The following RBFOX3 variants were observed in gnomAD, a reference collection of about 807,000 sequenced individuals.
RBFOX3 encodes the protein RNA binding fox-1 homolog 3.
Under a neutral mutation model 48.7 loss-of-function variants are expected in RBFOX3, and 17 were observed. That is an observed-to-expected ratio of 0.35 (90% CI 0.24 to 0.52). The LOEUF is 0.52. RBFOX3 is among the 20% of genes least tolerant of loss of function. RBFOX3 has a pLI of 0.94. For missense variants in RBFOX3, 382 were observed against 497.5 expected (o/e 0.77, Z 2.21); for synonymous variants, 212 against 209.5 (o/e 1.01, Z -0.10).
intron 2 of RBFOX3, among the ~76,000 whole-genome samples, chr17:79,395,499 C>G (rs985550480): frequency 6.6e-6 from 1 of 152,264 alleles, no homozygotes; most frequent in Non-Finnish European, 1.5e-5. Context: ...TTGAGACCCT[C>G]TCTCCTAAGC....
At chr17:79,399,469 G>A (rs2062497012) in intron 2 of RBFOX3, among the ~76,000 whole-genome samples, 1 of 151,626 alleles carries the variant, frequency 6.6e-6, no homozygotes, top group Admixed American at 6.6e-5. Context: ...TCCATGTGGA[G>A]GGCAGGGATG....
rs1347016635 is a variant in RBFOX3, at chr17:79,477,169, G to C, written c.-175+5285C>G. Among the ~76,000 whole-genome samples the C allele has an allele frequency of 2.7e-5, 4 of 150,572 alleles. No homozygotes were observed. The highest frequency in any genetic ancestry group is 2.7e-4 in the Admixed American group (4 of 15,090). The stretch of plus-strand genomic sequence containing the variant: ...AATCTCTTAAACCCAGGAGGTAGAG[G>C]TTGCAGTGAGCTGAGATCGCGCCAC... On this transcript the variant is annotated intron_variant, in intron 2 of 14. Coordinates refer to ENST00000693108, the MANE Select transcript of RBFOX3 (RefSeq NM_001350451.2). This position sits in a 1 kb window ranked among gnomAD's most constrained non-coding sequence, Gnocchi z 4.8.
At chr17:79,216,873 C>A (rs574997244) in intron 4 of RBFOX3, among the ~76,000 whole-genome samples, 1 of 152,154 alleles carries the variant, frequency 6.6e-6, no homozygotes, top group Non-Finnish European at 1.5e-5. Flanking sequence ...CTGAGGAACA[C>A]GAGTCCCCTG....
chr17:79,444,095 G>A (rs782215312), intron 2 of RBFOX3, among the ~76,000 whole-genome samples: 7 of 152,186 alleles, frequency 4.6e-5, no homozygotes, highest in Non-Finnish European at 8.8e-5. Context: ...ATGGAGGTCA[G>A]TGAATCATTA....
At position 79,164,567 on chromosome 17, in the gene RBFOX3, C is replaced by T. The variant is rs532250236; in HGVS notation, c.-33-48819G>A. ...GCATGGCCAGCTGTGCCAGTGAAAA[C>T]GGTGCCACTGGCCCTTGGTGGGAGG... On this transcript the variant is annotated intron_variant, in intron 4 of 14. Transcript: ENST00000693108. Among the ~76,000 whole-genome samples, 6 of 152,336 alleles carry T rather than the reference C, an allele frequency of 3.9e-5. No individual in the cohort carries two copies. The East Asian group carries it at 5.8e-4, about 15-fold the overall frequency.
intron 4 of RBFOX3, among the ~76,000 whole-genome samples, chr17:79,139,868 C>T (rs1428821747): frequency 6.6e-6 from 1 of 152,204 alleles, no homozygotes; most frequent in Non-Finnish European, 1.5e-5. Context: ...TTGCTGACTT[C>T]ATCCCAGCCA....
At chr17:79,646,662 T>C in the RBFOX3 span, among the ~76,000 whole-genome samples, 1 of 152,192 alleles carries the variant, frequency 6.6e-6, no homozygotes, top group Non-Finnish European at 1.5e-5. Context: ...ATTATTATAA[T>C]TCAAGGTGAG....
At chr17:79,134,799 C>A (rs2039789835) in intron 4 of RBFOX3, among the ~76,000 whole-genome samples, 1 of 152,224 alleles carries the variant, frequency 6.6e-6, no homozygotes, top group Admixed American at 6.5e-5. Context: ...GGGACAGCAG[C>A]CACCGGTGGA....
intron 4 of RBFOX3, among the ~76,000 whole-genome samples, chr17:79,186,233 A>G (rs542172752): frequency 6.6e-6 from 1 of 152,358 alleles, no homozygotes; most frequent in East Asian, 1.9e-4. Flanking sequence ...CCAGAGAGAG[A>G]GGACTGAGAA....
chr17:79,266,381 G>A lies in RBFOX3; in HGVS notation c.-73-30576C>T, dbSNP rs140454268. Among the ~76,000 whole-genome samples the A allele has an allele frequency of 4.6e-5, 7 of 152,246 alleles. No individual in the cohort carries two copies. The East Asian group carries it at 1.4e-3, about 29-fold the overall frequency. On this transcript the variant is annotated intron_variant, in intron 3 of 14. Transcript: ENST00000693108. ...ATTTACCTGCTGAAGTCAGTGCTCCGCCCGCCCATCTCATCCAGCTGTGCT... is the reference window on the plus strand; with the variant it reads ...ATTTACCTGCTGAAGTCAGTGCTCCACCCGCCCATCTCATCCAGCTGTGCT...
chr17:79,571,414 G>A (rs1404596823), intron 1 of RBFOX3, among the ~76,000 whole-genome samples: 1 of 152,020 alleles, frequency 6.6e-6, no homozygotes, highest in Non-Finnish European at 1.5e-5. Flanking sequence ...CTATGCCTGC[G>A]GGTGCCATAT....
At chr17:79,297,367 C>T (rs1476755985) in intron 3 of RBFOX3, among the ~76,000 whole-genome samples, 2 of 152,148 alleles carry the variant, frequency 1.3e-5, no homozygotes, top group African/African-American at 4.8e-5. Flanking sequence ...TTGGGAAGCA[C>T]CAAAGCTGGG....
At chr17:79,420,870 G>C (rs1463295284) in intron 2 of RBFOX3, among the ~76,000 whole-genome samples, 1 of 152,206 alleles carries the variant, frequency 6.6e-6, no homozygotes, top group African/African-American at 2.4e-5. Flanking sequence ...ATGTGATGTG[G>C]GGGCTGGTCT....
intron 2 of RBFOX3, among the ~76,000 whole-genome samples, chr17:79,313,208 A>C (rs1343567987): frequency 6.6e-6 from 1 of 152,158 alleles, no homozygotes; most frequent in African/African-American, 2.4e-5. Context: ...AGGCTCTTGC[A>C]TACCCCACTG....
At position 79,487,610 on chromosome 17, in the gene RBFOX3, G is replaced by T. The variant is rs567937358; in HGVS notation, c.-319-5012C>A. ...TGAAATGAATGCTGCAAAGAAGGAAGTCAATCTGGGTGAGTGGCATGGAGC... is the reference window on the plus strand; with the variant it reads ...TGAAATGAATGCTGCAAAGAAGGAATTCAATCTGGGTGAGTGGCATGGAGC... On this transcript the variant is annotated intron_variant, in intron 1 of 14. Coordinates refer to ENST00000693108, the MANE Select transcript of RBFOX3 (RefSeq NM_001350451.2). 2.0e-5 allele frequency among the ~76,000 whole-genome samples: 3 copies of T among 152,294 alleles called. No individual in the cohort carries two copies. The South Asian group carries it at 6.2e-4, about 32-fold the overall frequency.
chr17:79,094,413 G>T (rs2074708957), intron 14 of RBFOX3, 38 bp downstream of exon 14: 8 of 1,450,312 alleles, frequency 5.5e-6, no homozygotes, highest in Non-Finnish European at 6.4e-6. Flanking sequence ...CAGCTGTTAG[G>T]ACTGGCACCC....
rs911079705 is a variant in RBFOX3 at position 79,390,170 on chromosome 17, A to C, written c.-174-82346T>G. 6.6e-6 allele frequency among the ~76,000 whole-genome samples: 1 copy of C among 152,230 alleles called. No individual in the cohort carries two copies. Among genetic ancestry groups the C allele is most frequent in the Non-Finnish European group, 1.5e-5 (1 of 68,038 alleles). The stretch of plus-strand genomic sequence containing the variant: ...ACCAGCAGCAGTGAAGGGCAAGTCC[A>C]CAGAGTTCTGAGGTGTCCAACCTCC... On this transcript the variant is annotated intron_variant, in intron 2 of 14. Coordinates refer to ENST00000693108, the MANE Select transcript of RBFOX3 (RefSeq NM_001350451.2). The surrounding 1 kb of genome is among the most constrained non-coding windows in gnomAD (Gnocchi z 4.2).
At chr17:79,503,332 G>A (rs886856729) in intron 1 of RBFOX3, among the ~76,000 whole-genome samples, 13 of 152,152 alleles carry the variant, frequency 8.5e-5, no homozygotes, top group African/African-American at 2.2e-4. Flanking sequence ...CCTCTGCCCC[G>A]GAGCTGGCAC....
intron 4 of RBFOX3, among the ~76,000 whole-genome samples, chr17:79,132,095 G>A (rs2039048683): frequency 6.6e-6 from 1 of 152,110 alleles, no homozygotes; most frequent in South Asian, 2.1e-4. Context: ...GTCGGCAGGT[G>A]CAGAGCGGGG....
Sources: allele counts gnomAD v4.1 joint callset (sites outside exome capture counted in the v4.1 genomes callset), GRCh38; gene constraint gnomAD v4.1.1; non-coding constraint Gnocchi (gnomAD v3.1); transcripts MANE v1.5; gene names NCBI Gene and HGNC (gene_info 2026-07-23, HGNC 2026-07-21).